UNC5D: variants seen among roughly 807,000 people sequenced by gnomAD.
UNC5D encodes netrin receptor UNC5D.
A neutral mutation model predicts 105.4 loss-of-function variants in UNC5D; 39 were observed. The observed-to-expected ratio is 0.37, with a 90% CI of 0.29 to 0.48. UNC5D has a LOEUF of 0.48. Ranked by LOEUF, UNC5D falls within the 20% of genes least tolerant of loss-of-function variation. UNC5D has a pLI of 0.98. For synonymous variants in UNC5D, 452 were observed against 450.4 expected (o/e 1.00, Z -0.04); for missense variants, 991 against 1,202.4 (o/e 0.82, Z 2.60).
At chr8:35,393,218 C>G (rs552808782) in intron 1 of UNC5D, among the ~76,000 whole-genome samples, 2 of 146,164 alleles carry the variant, frequency 1.4e-5, no homozygotes, top group Non-Finnish European at 3.0e-5. Context: ...CTGCAGGCTC[C>G]GCCCCCTGGG....
chr8:35,657,764 G>T (rs1368149699), intron 4 of UNC5D, among the ~76,000 whole-genome samples: 1 of 152,158 alleles, frequency 6.6e-6, no homozygotes, highest in Non-Finnish European at 1.5e-5. Context: ...GGGACTGTAG[G>T]CATGAGTCAC....
rs375344565 is a variant in UNC5D at position 35,322,646 on chromosome 8, C to T, written c.103+86759C>T. ...ATGATGTGAATAGAAGATATGTGTACGTGAAATTTCCTTATTTGCAATGCA... is the reference window on the plus strand; with the variant it reads ...ATGATGTGAATAGAAGATATGTGTATGTGAAATTTCCTTATTTGCAATGCA... On this transcript the variant is annotated intron_variant, in intron 1 of 16. Coordinates refer to ENST00000404895, the MANE Select transcript of UNC5D (RefSeq NM_080872.4). Among the ~76,000 whole-genome samples the T allele has an allele frequency of 1.2e-4, 18 of 152,264 alleles. No homozygotes were observed. In the East Asian group the frequency reaches 1.4e-3, roughly 11 times the overall value.
intron 1 of UNC5D, among the ~76,000 whole-genome samples, chr8:35,265,966 A>C (rs1209215092): frequency 6.6e-6 from 1 of 151,816 alleles, no homozygotes; most frequent in Admixed American, 6.6e-5. Flanking sequence ...TAGAGATATA[A>C]ATGAGAACAG....
intron 1 of UNC5D, among the ~76,000 whole-genome samples, chr8:35,479,594 A>G (rs542505918): frequency 3.7e-4 from 56 of 152,298 alleles, no homozygotes; most frequent in Non-Finnish European, 2.6e-4. Flanking sequence ...TACACCATGG[A>G]ATAGTACACA....
In UNC5D at chr8:35,415,925, A is replaced by G. The variant is rs77009842; in HGVS notation, c.104-133367A>G. ...AAGACCTGAGTTTGATTTGTGCTGG[A>G]CATTTACCTTGCAAACTGTAAAGTG... On this transcript the variant is annotated intron_variant, in intron 1 of 16. Transcript: ENST00000404895. 6.0e-3 allele frequency among the ~76,000 whole-genome samples: 906 copies of G among 152,244 alleles called. 10 individuals carry two copies. The highest frequency in any genetic ancestry group is 0.02 in the African/African-American group (848 of 41,556).
At chr8:35,451,153 C>T (rs536183116) in intron 1 of UNC5D, among the ~76,000 whole-genome samples, 43 of 151,702 alleles carry the variant, frequency 2.8e-4, no homozygotes, top group Middle Eastern at 3.4e-3. Context: ...AAGCAATTCT[C>T]CTGCCTCAAC....
intron 3 of UNC5D, among the ~76,000 whole-genome samples, chr8:35,575,055 A>AC (rs1394192171): frequency 6.6e-6 from 1 of 152,046 alleles, no homozygotes; most frequent in Admixed American, 6.6e-5. Context: ...GCTCTGTGGC[A>AC]CCCCCAGCTT....
At chr8:35,328,895 T>A (rs374485634) in intron 1 of UNC5D, among the ~76,000 whole-genome samples, 3 of 152,260 alleles carry the variant, frequency 2.0e-5, no homozygotes, top group South Asian at 2.1e-4. Context: ...ACACATATAT[T>A]CATTACTCTT....
intron 1 of UNC5D, among the ~76,000 whole-genome samples, chr8:35,318,743 G>A (rs530902297): frequency 3.3e-5 from 5 of 152,036 alleles, no homozygotes; most frequent in Non-Finnish European, 7.4e-5. Context: ...AGTTAAAACA[G>A]CCTGAACACA....
chr8:35,665,870 C>A (rs1035390863), intron 4 of UNC5D, among the ~76,000 whole-genome samples: 5 of 151,798 alleles, frequency 3.3e-5, no homozygotes, highest in African/African-American at 4.8e-5. Context: ...AACTGTATAT[C>A]CCTTTCATAT....
At chr8:35,239,003 CTT>C (rs1284460442) in intron 1 of UNC5D, among the ~76,000 whole-genome samples, 2 of 152,108 alleles carry the variant, frequency 1.3e-5, no homozygotes, top group Non-Finnish European at 2.9e-5. Flanking sequence ...GAGAAAGAGT[CTT>C]TTTCCCCTAT....
intron 14 of UNC5D, among the ~76,000 whole-genome samples, chr8:35,766,007 G>A (rs181409150): frequency 1.1e-4 from 17 of 152,100 alleles, no homozygotes; most frequent in Admixed American, 2.0e-4. Flanking sequence ...AAAAAATTTC[G>A]GTGACTAACT....
At chr8:35,310,396 G>C (rs1264300442) in intron 1 of UNC5D, among the ~76,000 whole-genome samples, 1 of 152,104 alleles carries the variant, frequency 6.6e-6, no homozygotes, top group East Asian at 1.9e-4. Context: ...GAGGCAGGCC[G>C]ATCACTAGAG....
intron 4 of UNC5D, among the ~76,000 whole-genome samples, chr8:35,666,596 C>G (rs1444041594): frequency 6.6e-6 from 1 of 151,882 alleles, no homozygotes; most frequent in Non-Finnish European, 1.5e-5. Context: ...TGGATAGAAA[C>G]AAATAGAAAA....
chr8:35,582,779 T>G (rs2130848563), intron 3 of UNC5D, among the ~76,000 whole-genome samples: 1 of 152,304 alleles, frequency 6.6e-6, no homozygotes, highest in South Asian at 2.1e-4. Flanking sequence ...AATGAGGTGG[T>G]GAGTATTGAA....
At chr8:35,384,076 C>T (rs1333494897) in intron 1 of UNC5D, among the ~76,000 whole-genome samples, 1 of 151,932 alleles carries the variant, frequency 6.6e-6, no homozygotes, top group Non-Finnish European at 1.5e-5. Context: ...ATTAGCCAGG[C>T]ATGGTGGCGG....
intron 4 of UNC5D, among the ~76,000 whole-genome samples, chr8:35,655,133 G>C (rs1233890243): frequency 6.6e-6 from 1 of 152,146 alleles, no homozygotes; most frequent in African/African-American, 2.4e-5. Context: ...AACCTGCTTT[G>C]TGTAGGAAAA....
rs2131641741 is a variant in UNC5D at position 35,750,788 on chromosome 8, C to A, written c.2142C>A (p.Asp714Glu). 3 of 1,614,100 alleles carry A rather than the reference C, an allele frequency of 1.9e-6. No individual in the cohort carries two copies. The highest frequency in any genetic ancestry group is 2.5e-6 in the Non-Finnish European group (3 of 1,179,990). The change falls in exon 13 of 17, where the codon GAC becomes GAA. Residue 714 changes from aspartate to glutamate, a missense_variant. Physicochemically the swap from Asp to Glu is conservative, Grantham distance 45. Around this residue, in one of 3 missense-constraint regions of UNC5D, gnomAD observed 944 missense variants for 1,131.6 expected, o/e 0.83. Coordinates refer to ENST00000404895, the MANE Select transcript of UNC5D (RefSeq NM_080872.4). Reference protein sequence around the residue: ...LDYNLRVYCVDNTPCAFQEVV... With the variant: ...LDYNLRVYCVENTPCAFQEVV... ...ACAACTTGAGAGTTTACTGTGTGGACAATACCCCTTGTGCATTTCAGGTTA... is the reference window on the plus strand; with the variant it reads ...ACAACTTGAGAGTTTACTGTGTGGAAAATACCCCTTGTGCATTTCAGGTTA...
intron 1 of UNC5D, among the ~76,000 whole-genome samples, chr8:35,249,112 ATT>A (rs1488165587): frequency 8.4e-5 from 11 of 130,400 alleles, no homozygotes; most frequent in Admixed American, 6.5e-4. Context: ...AAATATATAT[ATT>A]ATATATATAA....
Sources: gnomAD v4.1 joint callset for allele counts (sites outside exome capture counted in the v4.1 genomes callset) on GRCh38, gnomAD v4.1.1 for gene constraint, gnomAD v4.1.1 regional missense constraint, MANE v1.5 for transcripts, NCBI Gene and HGNC (gene_info 2026-07-23, HGNC 2026-07-21) for gene names.